SEMA3D: variants seen among roughly 807,000 people sequenced by gnomAD.
The protein encoded by SEMA3D is semaphorin 3D.
A neutral mutation model predicts 100.1 loss-of-function variants in SEMA3D; 84 were observed. The observed-to-expected ratio is 0.84, with a 90% confidence interval of 0.70 to 1.01. SEMA3D has a LOEUF of 1.01. Ranked by LOEUF, SEMA3D falls within the 50% of genes least tolerant of loss-of-function variation. The probability of loss-of-function intolerance (pLI) is 0.00; values close to 1 mark genes in which losing one functional copy is unlikely to be tolerated. For synonymous variants in SEMA3D, 312 were observed against 320.7 expected (o/e 0.97, Z 0.29); for missense variants, 875 against 934.1 (o/e 0.94, Z 0.82).
At chr7:85,127,505 A>C (rs1789599532) in intron 2 of SEMA3D, among the ~76,000 whole-genome samples, 2 of 152,154 alleles carry the variant, frequency 1.3e-5, no homozygotes, top group Non-Finnish European at 2.9e-5. Context: ...GTAATCTCTT[A>C]GGTTTAAGCC....
At chr7:85,071,619 T>G (rs1279607022) in intron 6 of SEMA3D, among the ~76,000 whole-genome samples, 2 of 152,326 alleles carry the variant, frequency 1.3e-5, no homozygotes, top group East Asian at 3.9e-4. Flanking sequence ...TACACAAACC[T>G]AGATGGTATA....
intron 1 of SEMA3D, among the ~76,000 whole-genome samples, chr7:85,156,185 C>T (rs774405846): frequency 9.9e-5 from 15 of 151,754 alleles, no homozygotes; most frequent in Non-Finnish European, 2.2e-4. Context: ...TCACTGCAAC[C>T]TCCACCTCCT....
intron 2 of SEMA3D, among the ~76,000 whole-genome samples, chr7:85,125,538 G>A (rs1737589490): frequency 6.6e-6 from 1 of 151,974 alleles, no homozygotes; most frequent in Non-Finnish European, 1.5e-5. Flanking sequence ...AAGTGCCCAC[G>A]TGTGCTGAAC....
intron 1 of SEMA3D, among the ~76,000 whole-genome samples, chr7:85,174,698 T>G (rs1047764263): frequency 1.3e-5 from 2 of 152,120 alleles, no homozygotes; most frequent in Non-Finnish European, 2.9e-5. Context: ...GGGTAGATTT[T>G]GAATGAAAAA....
chr7:85,170,937 AT>A (rs1486346384), intron 1 of SEMA3D, among the ~76,000 whole-genome samples: 2 of 152,040 alleles, frequency 1.3e-5, no homozygotes, highest in Non-Finnish European at 2.9e-5. Flanking sequence ...AGAATAGATT[AT>A]TTCTTTATTT....
chr7:85,006,420 T>G (rs1318734926), intron 18 of SEMA3D, among the ~76,000 whole-genome samples: 1 of 151,998 alleles, frequency 6.6e-6, no homozygotes, highest in Non-Finnish European at 1.5e-5. Flanking sequence ...TCAAAATGTT[T>G]CATTTCATGA....
intron 15 of SEMA3D, 47 bp from the exon 16 acceptor site, chr7:85,015,263 G>GGA (rs761509451): frequency 2.6e-6 from 4 of 1,565,916 alleles, no homozygotes; most frequent in Non-Finnish European, 3.5e-6. Context: ...TTTCAGACTA[G>GGA]TCTTAAGAAT....
At chr7:85,219,572 C>T in the SEMA3D span, among the ~76,000 whole-genome samples, 3 of 151,888 alleles carry the variant, frequency 2.0e-5, no homozygotes, top group African/African-American at 7.3e-5. Context: ...TAGATTATAA[C>T]ATCTATTTTA....
At chr7:85,189,179 C>T (rs890255526), upstream of SEMA3D, among the ~76,000 whole-genome samples, 11 of 152,060 alleles carry the variant, frequency 7.2e-5, no homozygotes, top group Non-Finnish European at 1.6e-4. Flanking sequence ...GATGAATGGC[C>T]TCAGCTGTGT....
intron 4 of SEMA3D, 118 bp from the exon 5 acceptor site, chr7:85,081,697 G>A: frequency 1.5e-6 from 1 of 661,914 alleles, no homozygotes; most frequent in South Asian, 2.0e-5. Context: ...CATGTTGTTA[G>A]AGTCAATGTG....
chr7:85,187,858 T>C (rs1036397872), upstream of SEMA3D, among the ~76,000 whole-genome samples: 2 of 152,222 alleles, frequency 1.3e-5, no homozygotes, highest in African/African-American at 2.4e-5. Flanking sequence ...AAAAGGCCTG[T>C]GCATTTGGTG....
At chr7:85,004,352 T>A (rs1467430267) in intron 18 of SEMA3D, among the ~76,000 whole-genome samples, 1 of 152,114 alleles carries the variant, frequency 6.6e-6, no homozygotes, top group African/African-American at 2.4e-5. Context: ...AGTGGAATAA[T>A]GCAAGTATTT....
intron 8 of SEMA3D, among the ~76,000 whole-genome samples, chr7:85,064,311 C>A (rs1791554269): frequency 6.6e-6 from 1 of 152,162 alleles, no homozygotes; most frequent in Admixed American, 6.5e-5. Context: ...CCACAAAAAT[C>A]TGACAATGCA....
chr7:85,150,765 T>C (rs1283156559), intron 2 of SEMA3D, among the ~76,000 whole-genome samples: 1 of 151,934 alleles, frequency 6.6e-6, no homozygotes, highest in Non-Finnish European at 1.5e-5. Flanking sequence ...TATAAAGTAA[T>C]GAAGTAGGTA....
chr7:85,012,329 A>C (rs1789977349), intron 17 of SEMA3D, among the ~76,000 whole-genome samples: 1 of 151,802 alleles, frequency 6.6e-6, no homozygotes, highest in South Asian at 2.1e-4. Context: ...TTATTGATTA[A>C]GTGAATATAT....
At chr7:85,180,420 A>G (rs772704182) in intron 1 of SEMA3D, among the ~76,000 whole-genome samples, 13 of 152,188 alleles carry the variant, frequency 8.5e-5, no homozygotes, top group Non-Finnish European at 1.6e-4. Context: ...TCAATCTTGG[A>G]TATGTCTTCA....
At chr7:85,223,442 A>G in the SEMA3D span, among the ~76,000 whole-genome samples, 4 of 152,122 alleles carry the variant, frequency 2.6e-5, no homozygotes, top group African/African-American at 9.7e-5. Context: ...TGTTTATACC[A>G]GGACAATTTG....
intron 2 of SEMA3D, among the ~76,000 whole-genome samples, chr7:85,138,675 T>C (rs1789941814): frequency 6.8e-6 from 1 of 147,004 alleles, no homozygotes; most frequent in South Asian, 2.1e-4. Flanking sequence ...TTAAATTAAA[T>C]ATATATAATT....
intron 2 of SEMA3D, among the ~76,000 whole-genome samples, chr7:85,123,860 A>G (rs995798133): frequency 6.6e-6 from 1 of 152,074 alleles, no homozygotes; most frequent in African/African-American, 2.4e-5. Context: ...AATATAACAA[A>G]TATTGCATAT....
Sources: gnomAD v4.1 joint callset for allele counts (sites outside exome capture counted in the v4.1 genomes callset) on GRCh38, gnomAD v4.1.1 for gene constraint, MANE v1.5 for transcripts, NCBI Gene and HGNC (gene_info 2026-07-23, HGNC 2026-07-21) for gene names.